LPAR2: variants seen among roughly 807,000 people sequenced by gnomAD.
LPAR2 encodes the protein G protein-coupled receptor.
LPAR2 carries 10 observed loss-of-function variants against 15.6 expected under a neutral mutation model. The observed-to-expected ratio is 0.64, with a 90% CI of 0.39 to 1.09. The LOEUF (loss-of-function observed/expected upper bound fraction) is 1.09. Among genes scored for constraint, LPAR2 ranks in the 50% least tolerant of loss-of-function variants. The probability of loss-of-function intolerance (pLI) is 0.01; values close to 1 mark genes in which losing one functional copy is unlikely to be tolerated. For synonymous variants in LPAR2, 204 were observed against 207.4 expected (o/e 0.98, Z 0.14); for missense variants, 413 against 484.6 (o/e 0.85, Z 1.39).
In LPAR2 at chr19:19,627,632, G is replaced by T. The variant is rs1030894992; in HGVS notation, c.1-348C>A. The T allele has an allele frequency of 8.9e-5, 28 of 314,042 alleles. No individual in the cohort carries two copies. The highest frequency in any genetic ancestry group is 1.7e-4 in the Non-Finnish European group (28 of 163,644). The allele number at this position is 314,042 out of a possible 1,614,324, so 19.5% of individuals were successfully genotyped here. On this transcript the variant is annotated intron_variant, in intron 1 of 2. Coordinates refer to ENST00000407877, the MANE Select transcript of LPAR2 (RefSeq NM_004720.7). This position sits in a 1 kb window ranked among gnomAD's most constrained non-coding sequence, Gnocchi z 4.7. ...CGGTTTGGGTTGTGGGGAGAGGAGG[G>T]TTAGGGAAAGACAAAGGGGTGTGAG...
In LPAR2 at chr19:19,626,503, G is replaced by A. The variant is rs199851080; in HGVS notation, c.742+40C>T. ...TCGCAGTGTCTTGTGGGAGATAGGG[G>A]GAAGCAGGGTCCCTGTTGCCCCCTG... On this transcript the variant is annotated intron_variant, in intron 2 of 2. Transcript: ENST00000407877. The surrounding 1 kb of genome is among the most constrained non-coding windows in gnomAD (Gnocchi z 5.3). 6.4e-7 allele frequency: 1 copy of A among 1,551,426 alleles called. No individual in the cohort carries two copies. The highest frequency in any genetic ancestry group is 1.4e-5 in the African/African-American group (1 of 73,140).
In LPAR2 at chr19:19,624,460, G is replaced by A. The variant is rs201961216; in HGVS notation, c.852C>T (p.Ala284=). The change falls in exon 3 of 3, where the codon GCC becomes GCT. Residue 284 remains alanine, a synonymous_variant. Coordinates refer to ENST00000407877, the MANE Select transcript of LPAR2 (RefSeq NM_004720.7). ...CAGCATTGACCAGGGAGTTGGCCTC[G>A]GCCAACAGTAGGAAGTACTTTTCTA... is the stretch of plus-strand genomic sequence containing the variant. 30 of 1,614,108 alleles carry A rather than the reference G, an allele frequency of 1.9e-5. No homozygotes were observed. Among genetic ancestry groups the A allele is most frequent in the East Asian group, 4.5e-5 (2 of 44,880 alleles).
rs760730476 is a variant in LPAR2, at chr19:19,626,931, C to A, written c.354G>T (p.Ser118=). The A allele has an allele frequency of 5.0e-6, 8 of 1,606,126 alleles. No individual in the cohort carries two copies. Among genetic ancestry groups the A allele is most frequent in the Non-Finnish European group, 6.8e-6 (8 of 1,176,940 alleles). ...CGGCGATGGCCAGCAGTGTGGCCAC[C>A]GACGCAGTGAGGCTTGTGTCCAGCA... Residue 118 remains serine, a synonymous_variant, in exon 2 of 3, where the codon TCG becomes TCT. Coordinates refer to ENST00000407877, the MANE Select transcript of LPAR2 (RefSeq NM_004720.7). This position sits in a 1 kb window ranked among gnomAD's most constrained non-coding sequence, Gnocchi z 5.3.
chr19:19,626,750 A>T lies in LPAR2; in HGVS notation c.535T>A (p.Ser179Thr). The T allele has an allele frequency of 6.2e-7, 1 of 1,612,754 alleles. No individual in the cohort carries two copies. The highest frequency in any genetic ancestry group is 8.5e-7 in the Non-Finnish European group (1 of 1,179,676). The stretch of plus-strand genomic sequence containing the variant: ...CGGCTGAGCAGGGGTGCCATGCGTG[A>T]GCAGCGGTCCAGGGCACAGAGGCAG... Residue 179 changes from serine (S) to threonine (T), a missense_variant, in exon 2 of 3, where the codon TCA (serine) becomes ACA (threonine). Transcript: ENST00000407877. The surrounding 1 kb of genome is among the most constrained non-coding windows in gnomAD (Gnocchi z 5.3).
intron 2 of LPAR2, 24 bp from the exon 3 acceptor site, chr19:19,624,593 G>A: frequency 1.9e-6 from 3 of 1,563,052 alleles, no homozygotes; most frequent in Non-Finnish European, 2.6e-6. Flanking sequence ...GCGGAAGTGA[G>A]CAGGGCAAGC....
In LPAR2 at chr19:19,624,450, A is replaced by G. The variant is rs1423937344; in HGVS notation, c.862T>C (p.Ser288Pro). 1 of 1,613,986 alleles carries G rather than the reference A, an allele frequency of 6.2e-7. No homozygotes were observed. Among genetic ancestry groups the G allele is most frequent in the African/African-American group, 1.3e-5 (1 of 74,926 alleles). ...GAGTACACAGCAGCATTGACCAGGG[A>G]GTTGGCCTCGGCCAACAGTAGGAAG... Residue 288 changes from serine (S) to proline (P), a missense_variant, in exon 3 of 3, where the codon TCC becomes CCC. Ser to Pro is a moderately conservative substitution (Grantham distance 74, BLOSUM62 -1). Coordinates refer to ENST00000407877, the MANE Select transcript of LPAR2 (RefSeq NM_004720.7).
chr19:19,626,423 C>A lies in LPAR2; in HGVS notation c.742+120G>T. 7.9e-7 allele frequency: 1 copy of A among 1,265,036 alleles called. No individual in the cohort carries two copies. The highest frequency in any genetic ancestry group is 1.1e-6 in the Non-Finnish European group (1 of 906,228). 78.4% of individuals were successfully genotyped at this position (1,265,036 alleles called of 1,614,324 possible). On this transcript the variant is annotated intron_variant, in intron 2 of 2. Coordinates refer to ENST00000407877, the MANE Select transcript of LPAR2 (RefSeq NM_004720.7). This position sits in a 1 kb window ranked among gnomAD's most constrained non-coding sequence, Gnocchi z 5.3. ...TTATCACCTCCTTGGAGGACATTCC[C>A]CACCTAAATCATCCCCCATCACCCT... is the stretch of plus-strand genomic sequence containing the variant.
rs1813322710 is a variant in LPAR2, at chr19:19,624,335, G to A, written c.977C>T (p.Thr326Ile). Residue 326 changes from threonine to isoleucine, a missense_variant, in exon 3 of 3, where the codon ACA becomes ATA. By Grantham distance (89) the Thr-to-Ile change is moderately conservative. Coordinates refer to ENST00000407877, the MANE Select transcript of LPAR2 (RefSeq NM_004720.7). ...GCTGGCACCTCCCTGGGCAGAGGAT[G>A]TATAGTGGACAGACTCGCGGGTGGA... 1 of 1,614,116 alleles carries A rather than the reference G, an allele frequency of 6.2e-7. No homozygotes were observed.
rs916452267 is a variant in LPAR2 at position 19,626,960 on chromosome 19, C to T, written c.325G>A (p.Gly109Ser). ...GCAGTGAGGCTTGTGTCCAGCAAGC[C>T]CTGCCGCAGGAACCAGCCCTCAAGT... The change falls in exon 2 of 3, where the codon GGC becomes AGC. Residue 109 changes from glycine to serine, a missense_variant. Gly to Ser is a moderately conservative substitution (Grantham distance 56). Transcript: ENST00000407877. The surrounding 1 kb of genome is among the most constrained non-coding windows in gnomAD (Gnocchi z 5.3). The T allele has an allele frequency of 6.2e-7, 1 of 1,611,116 alleles. No individual in the cohort carries two copies. The highest frequency in any genetic ancestry group is 1.3e-5 in the African/African-American group (1 of 74,910).
Position 19,626,383 on chromosome 19 carries a change from C to T in LPAR2, c.742+160G>A, listed in dbSNP as rs2061739836. Among the ~76,000 whole-genome samples, 1 of 152,208 alleles carries T rather than the reference C, an allele frequency of 6.6e-6. No homozygotes were observed. Among genetic ancestry groups the T allele is most frequent in the Non-Finnish European group, 1.5e-5 (1 of 68,040 alleles). ...CTGTTCCTATCCTCAGCATTCAGGC[C>T]TCTGCTCACATACATTATCACCTCC... On this transcript the variant is annotated intron_variant, in intron 2 of 2. Coordinates refer to ENST00000407877, the MANE Select transcript of LPAR2 (RefSeq NM_004720.7). This position sits in a 1 kb window ranked among gnomAD's most constrained non-coding sequence, Gnocchi z 5.3.
Position 19,626,769 on chromosome 19 carries a change from G to A in LPAR2, c.516C>T (p.Leu172=), listed in dbSNP as rs1343337575. 3 of 1,610,360 alleles carry A rather than the reference G, an allele frequency of 1.9e-6. No homozygotes were observed. The highest frequency in any genetic ancestry group is 2.5e-6 in the Non-Finnish European group (3 of 1,178,632). Residue 172 remains leucine, a synonymous_variant, in exon 2 of 3, where the codon CTC becomes CTT. Transcript: ENST00000407877. The surrounding 1 kb of genome is among the most constrained non-coding windows in gnomAD (Gnocchi z 5.3). ...TGCGTGAGCAGCGGTCCAGGGCACA[G>A]AGGCAGTGCCAGGAGTGGGCAGGCA... is the stretch of plus-strand genomic sequence containing the variant.
At position 19,627,330 on chromosome 19, in the gene LPAR2, ACAGG is replaced by A; in HGVS notation, c.1-50_1-47del. ...TGCATGTGGCACTTCTTGGAAGGAC[ACAGG>A]GAGGGGCGGCAGCTGCAGAGGAGGG... On this transcript the variant is annotated intron_variant, in intron 1 of 2. Transcript: ENST00000407877. This position sits in a 1 kb window ranked among gnomAD's most constrained non-coding sequence, Gnocchi z 4.7. The A allele has an allele frequency of 1.3e-6, 2 of 1,562,800 alleles. No individual in the cohort carries two copies. The highest frequency in any genetic ancestry group is 1.7e-6 in the Non-Finnish European group (2 of 1,156,948).
rs200207382 is a variant in LPAR2, at chr19:19,626,696, T to A, written c.589A>T (p.Ser197Cys). Residue 197 changes from serine (S) to cysteine (C), a missense_variant, in exon 2 of 3, where the codon AGC becomes TGC. Physicochemically the swap from Ser to Cys is moderately radical, Grantham distance 112. Coordinates refer to ENST00000407877, the MANE Select transcript of LPAR2 (RefSeq NM_004720.7). This position sits in a 1 kb window ranked among gnomAD's most constrained non-coding sequence, Gnocchi z 5.3. ...ACCATGAGCAGGAAGACAAGCAGGC[T>A]CGACAGAGCCCAGACGGCCAAATAG... 3.1e-6 allele frequency: 5 copies of A among 1,613,548 alleles called. No homozygotes were observed. In the East Asian group the frequency reaches 1.1e-4, roughly 36 times the overall value.
Position 19,626,463 on chromosome 19 carries a change from G to T in LPAR2, c.742+80C>A, listed in dbSNP as rs2061740196. ...CCCATCACCCTCTATCAGGTAGCTT[G>T]TTTTGTTCATTGCTTCGCAGTGTCT... is the stretch of plus-strand genomic sequence containing the variant. On this transcript the variant is annotated intron_variant, in intron 2 of 2. Transcript: ENST00000407877. This position sits in a 1 kb window ranked among gnomAD's most constrained non-coding sequence, Gnocchi z 5.3. 2.0e-6 allele frequency: 3 copies of T among 1,500,402 alleles called. No individual in the cohort carries two copies. In the African/African-American group the frequency reaches 4.2e-5, roughly 21 times the overall value. 92.9% of individuals were successfully genotyped at this position (1,500,402 alleles called of 1,614,324 possible). A position where few individuals can be genotyped will look rare whatever the true frequency, so the allele number is the denominator to read the frequency against.
intron 2 of LPAR2, 51 bp from the exon 3 acceptor site, chr19:19,624,620 C>T: frequency 3.4e-6 from 5 of 1,477,242 alleles, no homozygotes; most frequent in Non-Finnish European, 4.6e-6. Context: ...AGGCCCGGCA[C>T]CTACAGCTCT....
Position 19,626,763 on chromosome 19 carries a change from G to C in LPAR2, c.522C>G (p.Ala174=), listed in dbSNP as rs1252852907. ...GTGCCATGCGTGAGCAGCGGTCCAG[G>C]GCACAGAGGCAGTGCCAGGAGTGGG... Residue 174 remains alanine (A), a synonymous_variant, in exon 2 of 3, where the codon GCC becomes GCG. Coordinates refer to ENST00000407877, the MANE Select transcript of LPAR2 (RefSeq NM_004720.7). This position sits in a 1 kb window ranked among gnomAD's most constrained non-coding sequence, Gnocchi z 5.3. The C allele has an allele frequency of 1.9e-6, 3 of 1,611,000 alleles. No individual in the cohort carries two copies. In the South Asian group the frequency reaches 3.3e-5, roughly 18 times the overall value.
chr19:19,624,565 C>T lies in LPAR2; in HGVS notation c.747G>A (p.Ala249=), dbSNP rs200831673. ...GGCCTGGTGTCCAGCAGACCACGAACGCCCCTGTGGGACAGAGGCGGAAGT... is the reference window on the plus strand; with the variant it reads ...GGCCTGGTGTCCAGCAGACCACGAATGCCCCTGTGGGACAGAGGCGGAAGT... The change falls in exon 3 of 3, where the codon GCG becomes GCA. Residue 249 remains alanine (A), a synonymous_variant. Coordinates refer to ENST00000407877, the MANE Select transcript of LPAR2 (RefSeq NM_004720.7). 7.8e-5 allele frequency: 125 copies of T among 1,595,144 alleles called. No individual in the cohort carries two copies. The East Asian group carries it at 1.1e-3, about 13-fold the overall frequency.
In LPAR2 at chr19:19,627,507, G is replaced by C. The variant is rs980021554; in HGVS notation, c.1-223C>G. 1 of 565,316 alleles carries C rather than the reference G, an allele frequency of 1.8e-6. No homozygotes were observed. Among genetic ancestry groups the C allele is most frequent in the African/African-American group, 1.9e-5 (1 of 53,194 alleles). 35.0% of individuals were successfully genotyped at this position (565,316 alleles called of 1,614,324 possible). A position where few individuals can be genotyped will look rare whatever the true frequency, so the allele number is the denominator to read the frequency against. On this transcript the variant is annotated intron_variant, in intron 1 of 2. Transcript: ENST00000407877. The surrounding 1 kb of genome is among the most constrained non-coding windows in gnomAD (Gnocchi z 4.7). Reference sequence around the variant, plus strand: ...TGTTTCTTACCTACTAATAAGACCTGTGTGCAAGACATCACCCAAGTCAAT... The same window carrying C: ...TGTTTCTTACCTACTAATAAGACCTCTGTGCAAGACATCACCCAAGTCAAT...
At position 19,626,452 on chromosome 19, in the gene LPAR2, T is replaced by A; in HGVS notation, c.742+91A>T. 2 of 1,458,782 alleles carry A rather than the reference T, an allele frequency of 1.4e-6. No individual in the cohort carries two copies. The highest frequency in any genetic ancestry group is 1.9e-6 in the Non-Finnish European group (2 of 1,079,414). The allele number at this position is 1,458,782 out of a possible 1,614,324, so 90.4% of individuals were successfully genotyped here. A position where few individuals can be genotyped will look rare whatever the true frequency, so the allele number is the denominator to read the frequency against. Reference sequence around the variant, plus strand: ...CTAAATCATCCCCCATCACCCTCTATCAGGTAGCTTGTTTTGTTCATTGCT... The same window carrying A: ...CTAAATCATCCCCCATCACCCTCTAACAGGTAGCTTGTTTTGTTCATTGCT... On this transcript the variant is annotated intron_variant, in intron 2 of 2. Coordinates refer to ENST00000407877, the MANE Select transcript of LPAR2 (RefSeq NM_004720.7). The surrounding 1 kb of genome is among the most constrained non-coding windows in gnomAD (Gnocchi z 5.3).
Sources: allele counts gnomAD v4.1 joint callset (sites outside exome capture counted in the v4.1 genomes callset), GRCh38; gene constraint gnomAD v4.1.1; non-coding constraint Gnocchi (gnomAD v3.1); transcripts MANE v1.5; gene names NCBI Gene and HGNC (gene_info 2026-07-23, HGNC 2026-07-21).